The following FAF1 variants were observed in gnomAD, a reference collection of about 807,000 sequenced individuals.
The protein encoded by FAF1 is Fas associated factor 1, also known as FAS-associated factor 1.
FAF1 carries 25 observed loss-of-function variants against 92.5 expected under a neutral mutation model. That is an observed-to-expected ratio of 0.27 (90% confidence interval 0.20 to 0.38). The LOEUF is 0.38. FAF1 is among the 10% of genes least tolerant of loss of function. The pLI is 1.00. For missense variants in FAF1, 636 were observed against 793.3 expected (o/e 0.80, Z 2.38); for synonymous variants, 234 against 273.2 (o/e 0.86, Z 1.42).
chr1:50,629,512 A>G (rs1254555308), intron 8 of FAF1, among the ~76,000 whole-genome samples: 1 of 152,152 alleles, frequency 6.6e-6, no homozygotes, highest in Non-Finnish European at 1.5e-5. Flanking sequence ...TGTGCATAAT[A>G]GGTAAAATTG....
chr1:50,843,540 T>TACCA (rs1644273466), intron 2 of FAF1, among the ~76,000 whole-genome samples: 1 of 152,106 alleles, frequency 6.6e-6, no homozygotes, highest in Non-Finnish European at 1.5e-5. Context: ...CCCCGCTCCC[T>TACCA]ACCACCCTTC....
At chr1:50,479,700 A>C (rs1646678299) in intron 17 of FAF1, among the ~76,000 whole-genome samples, 1 of 152,210 alleles carries the variant, frequency 6.6e-6, no homozygotes, top group East Asian at 1.9e-4. Context: ...ATATTACAGA[A>C]GAATAAACAA....
At chr1:50,604,227 A>G (rs982164280) in intron 8 of FAF1, among the ~76,000 whole-genome samples, 5 of 152,122 alleles carry the variant, frequency 3.3e-5, no homozygotes, top group African/African-American at 1.2e-4. Flanking sequence ...CATATCTTCC[A>G]CCACTCAGCA....
chr1:50,943,700 C>G (rs1029151609), intron 1 of FAF1, among the ~76,000 whole-genome samples: 1 of 59,886 alleles, frequency 1.7e-5, no homozygotes, highest in African/African-American at 7.0e-5. Context: ...CCCAAGCAAG[C>G]AAGCATGGCC....
intron 12 of FAF1, among the ~76,000 whole-genome samples, chr1:50,578,731 C>A (rs999352249): frequency 6.6e-6 from 1 of 152,104 alleles, no homozygotes; most frequent in African/African-American, 2.4e-5. Context: ...GTTTTATAAA[C>A]CACAGAGCAT....
chr1:50,807,711 C>T (rs908518830), intron 2 of FAF1, among the ~76,000 whole-genome samples: 1 of 151,800 alleles, frequency 6.6e-6, no homozygotes. Flanking sequence ...TTCAGTCAGA[C>T]AAAAATTAAA....
At chr1:50,720,620 T>A (rs1436193048) in intron 6 of FAF1, among the ~76,000 whole-genome samples, 20 of 152,172 alleles carry the variant, frequency 1.3e-4, no homozygotes, top group Admixed American at 1.3e-3. Flanking sequence ...ACAGGCTTTC[T>A]ATGAGCTCTC....
At chr1:50,491,863 A>G in intron 15 of FAF1, 62 bp from the exon 16 acceptor site, 2 of 1,263,392 alleles carry the variant, frequency 1.6e-6, no homozygotes, top group Admixed American at 4.0e-5. Context: ...AAAAGAGAAA[A>G]AAAACTAATG....
chr1:50,847,366 T>C (rs1015142085), intron 2 of FAF1, among the ~76,000 whole-genome samples: 2 of 132,580 alleles, frequency 1.5e-5, no homozygotes, highest in African/African-American at 2.7e-5. Context: ...AAACAGACAA[T>C]ACCTAAGCCA....
At chr1:50,526,649 T>C (rs965490852) in intron 15 of FAF1, among the ~76,000 whole-genome samples, 2 of 151,894 alleles carry the variant, frequency 1.3e-5, no homozygotes, top group East Asian at 3.9e-4. Flanking sequence ...AACAGTCATG[T>C]ACAAATGTTT....
intron 8 of FAF1, among the ~76,000 whole-genome samples, chr1:50,647,529 A>C (rs1654650036): frequency 6.6e-6 from 1 of 152,178 alleles, no homozygotes; most frequent in African/African-American, 2.4e-5. Flanking sequence ...GTTAAATTTA[A>C]TTTGTCTGAA....
At chr1:50,799,196 CT>C (rs1451702950) in intron 3 of FAF1, among the ~76,000 whole-genome samples, 2 of 152,188 alleles carry the variant, frequency 1.3e-5, no homozygotes, top group African/African-American at 2.4e-5. Flanking sequence ...TAGAGCATGG[CT>C]TTTAAAATAA....
At chr1:50,727,614 T>C (rs1387530705) in intron 6 of FAF1, among the ~76,000 whole-genome samples, 1 of 152,174 alleles carries the variant, frequency 6.6e-6, no homozygotes, top group Admixed American at 6.5e-5. Flanking sequence ...ATAAATAAAT[T>C]ACTGTGATGG....
At chr1:50,786,741 T>C (rs1661378776) in intron 4 of FAF1, among the ~76,000 whole-genome samples, 1 of 152,156 alleles carries the variant, frequency 6.6e-6, no homozygotes, top group Admixed American at 6.5e-5. Flanking sequence ...ATAAGTCCAT[T>C]ATGGCATAGG....
At chr1:50,874,788 G>C (rs1250670076) in intron 1 of FAF1, among the ~76,000 whole-genome samples, 1 of 41,630 alleles carries the variant, frequency 2.4e-5, no homozygotes, top group Non-Finnish European at 4.5e-5. Context: ...TTTTTTTTTG[G>C]AGACAGGGTC....
At chr1:50,580,964 G>C (rs914712920) in intron 12 of FAF1, among the ~76,000 whole-genome samples, 2 of 152,088 alleles carry the variant, frequency 1.3e-5, no homozygotes, top group African/African-American at 4.8e-5. Flanking sequence ...TTGTAAAGAT[G>C]GGGTTTCACC....
chr1:50,484,601 AATG>A (rs1157642663), intron 17 of FAF1, among the ~76,000 whole-genome samples: 3 of 152,140 alleles, frequency 2.0e-5, no homozygotes, highest in Non-Finnish European at 4.4e-5. Flanking sequence ...TGATAATGCC[AATG>A]ATGATGATGA....
rs192343518 is a variant in FAF1 at position 50,733,134 on chromosome 1, C to T, written c.551+5729G>A. ...CTAATAAGATAACATATATAACAGG[C>T]TTGCCAAAAAACCTGGCTTCATAAA... On this transcript the variant is annotated intron_variant, in intron 6 of 18. Coordinates refer to ENST00000396153, the MANE Select transcript of FAF1 (RefSeq NM_007051.3). 2.3e-3 allele frequency among the ~76,000 whole-genome samples: 353 copies of T among 152,234 alleles called. 1 individual carries two copies. Among genetic ancestry groups the T allele is most frequent in the African/African-American group, 8.3e-3 (344 of 41,558 alleles).
At chr1:50,860,177 T>A (rs1322602729) in intron 1 of FAF1, among the ~76,000 whole-genome samples, 1 of 151,956 alleles carries the variant, frequency 6.6e-6, no homozygotes, top group African/African-American at 2.4e-5. Flanking sequence ...AGAAATGCCA[T>A]TCTGGACATC....
Sources: allele counts gnomAD v4.1 joint callset (sites outside exome capture counted in the v4.1 genomes callset), GRCh38; gene constraint gnomAD v4.1.1; transcripts MANE v1.5; gene names NCBI Gene and HGNC (gene_info 2026-07-23, HGNC 2026-07-21).